USP32: variants seen among roughly 807,000 people sequenced by gnomAD.
USP32 encodes the protein ubiquitin carboxyl-terminal hydrolase 32.
A neutral mutation model predicts 204.8 loss-of-function variants in USP32; 59 were observed. The observed-to-expected ratio is 0.29, with a 90% CI of 0.23 to 0.36. The LOEUF (loss-of-function observed/expected upper bound fraction) is 0.36. Among genes scored for constraint, USP32 ranks in the 10% least tolerant of loss-of-function variants. The probability of loss-of-function intolerance (pLI) is 1.00; values close to 1 mark genes in which losing one functional copy is unlikely to be tolerated. For synonymous variants in USP32, 517 were observed against 678.4 expected (o/e 0.76, Z 3.70); for missense variants, 1,160 against 1,946.4 (o/e 0.60, Z 7.60).
Position 60,265,985 on chromosome 17 carries a change from A to T in USP32, c.918T>A (p.Asp306Glu), listed in dbSNP as rs2086581324. The T allele has an allele frequency of 3.1e-6, 5 of 1,613,148 alleles. No homozygotes were observed. The highest frequency in any genetic ancestry group is 1.6e-4 in the Middle Eastern group (1 of 6,078). The change falls in exon 8 of 34, where the codon GAT becomes GAA. Residue 306 changes from aspartate to glutamate, a missense_variant. Physicochemically the swap from Asp to Glu is conservative, Grantham distance 45. Transcript: ENST00000300896. ...CACAATCATAACTTACAGGAATATC[A>T]TCAGTGCGGTTGTCCTTCCAGACTT... ...LLEVWKDNRTDDIPELHMDLS... is the reference protein window; with the variant it reads ...LLEVWKDNRTEDIPELHMDLS...
intron 1 of USP32, among the ~76,000 whole-genome samples, chr17:60,407,781 CAA>C (rs750848462): frequency 3.1e-3 from 113 of 35,920 alleles, no homozygotes; most frequent in South Asian, 5.5e-3. Flanking sequence ...GCCTCTGTCT[CAA>C]AAAAAAAAAA....
chr17:60,409,214 G>A (rs2090000639), intron 1 of USP32, among the ~76,000 whole-genome samples: 1 of 152,196 alleles, frequency 6.6e-6, no homozygotes, highest in South Asian at 2.1e-4. Context: ...TGGGCATGGT[G>A]GCACATGCCT....
At chr17:60,324,810 C>T (rs1310360150) in intron 2 of USP32, among the ~76,000 whole-genome samples, 1 of 151,952 alleles carries the variant, frequency 6.6e-6, no homozygotes, top group African/African-American at 2.4e-5. Context: ...CGAGACCAGC[C>T]TGACCAACAC....
intron 12 of USP32, among the ~76,000 whole-genome samples, chr17:60,227,945 A>G (rs1449364886): frequency 6.6e-6 from 1 of 152,166 alleles, no homozygotes; most frequent in Non-Finnish European, 1.5e-5. Context: ...TAAAAAAATG[A>G]TTAAGAAGTA....
intron 11 of USP32, among the ~76,000 whole-genome samples, chr17:60,243,975 TATTC>T (rs2085943855): frequency 6.6e-6 from 1 of 152,050 alleles, no homozygotes; most frequent in Admixed American, 6.6e-5. Flanking sequence ...TTTTATCTTT[TATTC>T]TTTTACTTTC....
Position 60,412,267 on chromosome 17 carries a change from G to A in USP32, c.106+9979C>T, listed in dbSNP as rs570376998. Among the ~76,000 whole-genome samples the A allele has an allele frequency of 9.9e-5, 15 of 152,278 alleles. No homozygotes were observed. In the South Asian group the frequency reaches 3.1e-3, roughly 32 times the overall value. ...GCCTATAATCCCAGCACTTTGGGAG[G>A]CCAAGACAGAGAAGATTGCTTGAGC... On this transcript the variant is annotated intron_variant, in intron 1 of 3. Transcript: ENST00000588898.
intron 5 of USP32, among the ~76,000 whole-genome samples, chr17:60,272,747 T>G (rs1473971856): frequency 4.6e-5 from 7 of 152,178 alleles, no homozygotes; most frequent in Non-Finnish European, 1.0e-4. Flanking sequence ...AAACAAGGGA[T>G]GAGTACTGTA....
intron 26 of USP32, 87 bp downstream of exon 26, chr17:60,205,360 A>T: frequency 6.7e-7 from 1 of 1,491,844 alleles, no homozygotes; most frequent in Non-Finnish European, 8.9e-7. Flanking sequence ...AAGAAAATAC[A>T]TTCAATGATG....
chr17:60,352,326 A>T (rs1036213952), intron 1 of USP32, among the ~76,000 whole-genome samples: 1 of 152,144 alleles, frequency 6.6e-6, no homozygotes, highest in Non-Finnish European at 1.5e-5. Context: ...TCCAGCAGCC[A>T]TTTTACACAC....
At chr17:60,192,551 C>T (rs112818052) in intron 28 of USP32, among the ~76,000 whole-genome samples, 3,212 of 152,222 alleles carry the variant, frequency 0.021, 135 homozygotes, top group African/African-American at 0.073. Flanking sequence ...TCTCCTGCCT[C>T]AGTCTCCCAA....
At position 60,222,465 on chromosome 17, in the gene USP32, G is replaced by C; in HGVS notation, c.1693C>G (p.Pro565Ala). 6.2e-7 allele frequency: 1 copy of C among 1,614,096 alleles called. No individual in the cohort carries two copies. Among genetic ancestry groups the C allele is most frequent in the Non-Finnish European group, 8.5e-7 (1 of 1,180,024 alleles). The change falls in exon 15 of 34, where the codon CCT becomes GCT. Residue 565 changes from proline (P) to alanine (A), a missense_variant. Transcript: ENST00000300896. ...HGRDYEMVPE[P>A]VWRALYHWYG... ...CAGTGATAAAGTGCTCTCCACACAG[G>C]TTCTGGGACCATTTCATAGTCTCTT...
At position 60,179,081 on chromosome 17, in the gene USP32, A is replaced by G. The variant is rs1261077745; in HGVS notation, c.*174T>C. The G allele has an allele frequency of 3.4e-5, 25 of 743,980 alleles. No homozygotes were observed. The highest frequency in any genetic ancestry group is 5.0e-5 in the Non-Finnish European group (24 of 483,176). 46.1% of individuals were successfully genotyped at this position (743,980 alleles called of 1,614,324 possible). ...AGCTTGTATGAGACTTCAAAATAAA[A>G]TGATTACTACTCTTAAAGTTAACTA... On this transcript the variant is annotated 3_prime_UTR_variant, in exon 34 of 34. Coordinates refer to ENST00000300896, the MANE Select transcript of USP32 (RefSeq NM_032582.4).
At chr17:60,394,904 C>T (rs146017030), upstream of USP32, among the ~76,000 whole-genome samples, 212 of 152,088 alleles carry the variant, frequency 1.4e-3, 1 homozygote, top group African/African-American at 4.8e-3. Flanking sequence ...CCATCCCGCC[C>T]GGCTAATTTT....
At chr17:60,190,762 C>T in intron 28 of USP32, 79 bp from the exon 29 acceptor site, 3 of 1,541,684 alleles carry the variant, frequency 1.9e-6, no homozygotes, top group African/African-American at 1.4e-5. Context: ...AATATTCTCC[C>T]TTCCTACTTT....
At chr17:60,388,779 GACAA>G (rs929745024) in intron 1 of USP32, among the ~76,000 whole-genome samples, 8 of 152,174 alleles carry the variant, frequency 5.3e-5, no homozygotes, top group African/African-American at 1.4e-4. Flanking sequence ...TTAGACAACT[GACAA>G]ACAGTCTAGC....
intron 11 of USP32, among the ~76,000 whole-genome samples, chr17:60,236,611 T>C (rs778702909): frequency 7.2e-5 from 11 of 152,198 alleles, no homozygotes; most frequent in Non-Finnish European, 1.5e-4. Context: ...TATATAAAAC[T>C]TACCTATTTT....
intron 13 of USP32, among the ~76,000 whole-genome samples, chr17:60,225,151 T>C (rs1005845298): frequency 6.6e-6 from 1 of 152,102 alleles, no homozygotes; most frequent in Non-Finnish European, 1.5e-5. Flanking sequence ...TGGGGCTTGA[T>C]TGATGAAAAT....
At chr17:60,190,517 T>C in intron 29 of USP32, 46 bp downstream of exon 29, 3 of 1,505,332 alleles carry the variant, frequency 2.0e-6, no homozygotes, top group Admixed American at 2.5e-5. Context: ...CTGGTGGAAA[T>C]TTCTCATATA....
In USP32 at chr17:60,197,345, C is replaced by T. The variant is rs370061347; in HGVS notation, c.3434+915G>A. Among the ~76,000 whole-genome samples the T allele has an allele frequency of 2.4e-4, 36 of 152,340 alleles. 1 individual carries two copies. In the East Asian group the frequency reaches 5.2e-3, roughly 22 times the overall value. On this transcript the variant is annotated intron_variant, in intron 27 of 33. Transcript: ENST00000300896. The stretch of plus-strand genomic sequence containing the variant: ...ACAGGCCGGGTGTGGTGGCTCACGC[C>T]TGTAATCCCAGCACTTTGGGAGGCT...
Sources: gnomAD v4.1 joint callset for allele counts (sites outside exome capture counted in the v4.1 genomes callset) on GRCh38, gnomAD v4.1.1 for gene constraint, MANE v1.5 for transcripts, NCBI Gene and HGNC (gene_info 2026-07-23, HGNC 2026-07-21) for gene names.